Variants in NBPF14 observed in about 807,000 individuals in gnomAD.
NBPF14 encodes the protein NBPF member 14.
Under a neutral mutation model 91.2 loss-of-function variants are expected in NBPF14, and 104 were observed. The observed-to-expected ratio is 1.14, with a 90% confidence interval of 0.97 to 1.34. The LOEUF (loss-of-function observed/expected upper bound fraction) is 1.34, where lower values mean the gene tolerates loss of function less well. NBPF14 is among the 40% of genes most tolerant of loss of function. The pLI is 0.00. For synonymous variants in NBPF14, 294 were observed against 303.8 expected (o/e 0.97, Z 0.34); for missense variants, 908 against 783.0 (o/e 1.16, Z -1.91).
intron 70 of NBPF14, among the ~76,000 whole-genome samples, 162 bp downstream of exon 70, chr1:148,533,699 A>G (rs1654231744): frequency 2.0e-5 from 3 of 150,898 alleles, no homozygotes; most frequent in Non-Finnish European, 4.4e-5. Context: ...GGAGGAAGAA[A>G]TGGAAACCTA....
chr1:148,533,828 C>A (rs1271834155), intron 70 of NBPF14, 33 bp downstream of exon 70: 7 of 767,482 alleles, frequency 9.1e-6, no homozygotes, highest in East Asian at 2.4e-5. Context: ...GGAGTTAACA[C>A]AGAACTAAGG....
At chr1:148,534,888 C>G (rs1259520114) in intron 68 of NBPF14, 32 bp from the exon 69 acceptor site, 1 of 714,680 alleles carries the variant, frequency 1.4e-6, no homozygotes, top group African/African-American at 2.0e-5. Context: ...AAGAATAAGC[C>G]AGGGGGAATC....
chr1:148,534,415 T>C (rs1654543425), intron 69 of NBPF14, among the ~76,000 whole-genome samples: 2 of 151,776 alleles, frequency 1.3e-5, no homozygotes, highest in South Asian at 4.2e-4. Context: ...TCTCTGAATT[T>C]GTCACATCTG....
At chr1:148,533,811 G>C in intron 70 of NBPF14, 50 bp downstream of exon 70, 1 of 767,280 alleles carries the variant, frequency 1.3e-6, no homozygotes, top group Non-Finnish European at 2.4e-6. Flanking sequence ...TGAATCTGTT[G>C]CCTCCAGGAG....
At chr1:148,572,503 A>T (rs1400301919) in exon 21 of NBPF14, 2 of 593,686 alleles carry the variant, frequency 3.4e-6, no homozygotes, top group Non-Finnish European at 5.9e-6. Flanking sequence ...GCACTGCTGT[A>T]GGGCTGGCCT....
exon 2 of NBPF14, chr1:148,595,596 T>C (rs1663187886): frequency 5.7e-6 from 9 of 1,579,162 alleles, no homozygotes; most frequent in South Asian, 2.2e-5. Context: ...TAGAAAACAT[T>C]TCTCTTTGAG....
At chr1:148,559,548 T>A (rs1437783899) in intron 37 of NBPF14, among the ~76,000 whole-genome samples, 5 of 118,610 alleles carry the variant, frequency 4.2e-5, no homozygotes, top group African/African-American at 1.8e-4. Context: ...CCAGGTCCAA[T>A]GTCATGAGAG....
chr1:148,591,327 A>G (rs1662440116), intron 5 of NBPF14, 105 bp downstream of exon 5: 2 of 1,454,348 alleles, frequency 1.4e-6, no homozygotes, highest in East Asian at 2.2e-5. Flanking sequence ...ACTGTGGCCA[A>G]GGGAATGCGG....
At chr1:148,535,078 T>G (rs1570906679) in intron 68 of NBPF14, among the ~76,000 whole-genome samples, 1 of 144,046 alleles carries the variant, frequency 6.9e-6, no homozygotes, top group East Asian at 2.1e-4. Context: ...GAGGAGAAAG[T>G]GAGCTCAGCG....
intron 2 of NBPF14, among the ~76,000 whole-genome samples, chr1:148,594,083 C>A (rs1220331827): frequency 1.4e-5 from 2 of 147,370 alleles, no homozygotes; most frequent in East Asian, 3.9e-4. Flanking sequence ...GTCGGGAAGG[C>A]CCCTAGGACT....
Position 148,559,838 on chromosome 1 carries a change from A to G in NBPF14, c.4684T>C (p.Tyr1562His), listed in dbSNP as rs1412491439. 34 of 1,531,412 alleles carry G rather than the reference A, an allele frequency of 2.2e-5. 1 individual carries two copies. Among genetic ancestry groups the G allele is most frequent in the Non-Finnish European group, 3.0e-5 (34 of 1,144,062 alleles). 94.9% of individuals were successfully genotyped at this position (1,531,412 alleles called of 1,614,324 possible). ...CCAACACGCTGCTGCTCCAATATGT[A>G]AAAGGCACTTCTATAGGGCTGGCAT... The change falls in exon 37 of 71, where the codon TAC becomes CAC. Residue 1562 changes from tyrosine (Y) to histidine (H), a missense_variant. Physicochemically the swap from Tyr to His is moderately conservative, Grantham distance 83. Around this residue, in one of 13 missense-constraint regions of NBPF14, gnomAD observed 447 missense variants for 189.1 expected, o/e 2.36. Transcript: ENST00000619423.
chr1:148,559,837 T>A, exon 37 of NBPF14: 2 of 1,531,580 alleles, frequency 1.3e-6, no homozygotes, highest in Non-Finnish European at 8.7e-7. Flanking sequence ...CTCCAATATG[T>A]AAAAGGCACT....
At position 148,539,315 on chromosome 1, in the gene NBPF14, G is replaced by A. The variant is rs1203876969; in HGVS notation, c.7882+95C>T. ...CATAGGTCCTGACTGCGGCAATGAC[G>A]TCTCTCGGGTCAGTAAGGGGCACTT... is the stretch of plus-strand genomic sequence containing the variant. On this transcript the variant is annotated intron_variant, in intron 63 of 70. Coordinates refer to ENST00000619423, the Ensembl canonical transcript of NBPF14. 2.5e-5 allele frequency: 15 copies of A among 607,936 alleles called. 1 individual carries two copies. The highest frequency in any genetic ancestry group is 5.1e-5 in the South Asian group (3 of 59,014). 37.7% of individuals were successfully genotyped at this position (607,936 alleles called of 1,614,324 possible). A position where few individuals can be genotyped will look rare whatever the true frequency, so the allele number is the denominator to read the frequency against.
At chr1:148,557,104 C>G (rs1197039477) in intron 40 of NBPF14, among the ~76,000 whole-genome samples, 8,168 of 114,716 alleles carry the variant, frequency 0.071, 49 homozygotes, top group East Asian at 0.2. Context: ...AGAGAGAGAA[C>G]GAGCTCAGTG....
exon 70 of NBPF14, chr1:148,533,864 G>C (rs1238541093): frequency 1.3e-6 from 1 of 763,962 alleles, no homozygotes; most frequent in South Asian, 1.3e-5. Flanking sequence ...AAGTCACCTG[G>C]GGCATGGTGG....
exon 69 of NBPF14, chr1:148,534,732 C>T (rs1341988726): frequency 1.2e-6 from 1 of 832,978 alleles, no homozygotes; most frequent in East Asian, 2.4e-5. Flanking sequence ...AATGAGTAAA[C>T]AGCACTGCTG....
chr1:148,572,499 C>T (rs1334961558), exon 21 of NBPF14: 12 of 589,320 alleles, frequency 2.0e-5, no homozygotes, highest in Non-Finnish European at 3.3e-5. Flanking sequence ...AACAGCACTG[C>T]TGTAGGGCTG....
At chr1:148,542,134 C>T (rs1157334787) in intron 59 of NBPF14, among the ~76,000 whole-genome samples, 2 of 104,722 alleles carry the variant, frequency 1.9e-5, no homozygotes, top group Non-Finnish European at 3.4e-5. Flanking sequence ...AAGCATATAC[C>T]CTCAAATGAT....
chr1:148,569,376 T>G, exon 25 of NBPF14: 1 of 369,416 alleles, frequency 2.7e-6, no homozygotes, highest in Admixed American at 5.1e-5. Context: ...ATCTATCCAG[T>G]GAGTCCTGCA....
Sources: allele counts gnomAD v4.1 joint callset (sites outside exome capture counted in the v4.1 genomes callset), GRCh38; gene constraint gnomAD v4.1.1; regional missense constraint gnomAD v4.1.1; transcripts MANE v1.5; gene names NCBI Gene and HGNC (gene_info 2026-07-23, HGNC 2026-07-21).